The following TET2 variants were observed in gnomAD, a reference collection of about 807,000 sequenced individuals.
TET2 encodes methylcytosine dioxygenase TET2.
In TET2, 299 loss-of-function variants were observed where a neutral mutation model predicts 142.9. The observed-to-expected ratio is 2.09, with a 90% CI of 1.90 to 2.30. TET2 has a LOEUF of 2.30. Among genes scored for constraint, TET2 ranks in the 30% most tolerant of loss-of-function variants. The pLI is 0.00. For missense variants in TET2, 2,418 were observed against 2,378.0 expected (o/e 1.02, Z -0.35); for synonymous variants, 819 against 849.0 (o/e 0.96, Z 0.61).
rs1297207329 is a variant in TET2 at position 105,237,084 on chromosome 4, C to G, written c.3142C>G (p.Leu1048Val). The G allele has an allele frequency of 1.2e-6, 2 of 1,614,032 alleles. No homozygotes were observed. The highest frequency in any genetic ancestry group is 1.7e-6 in the Non-Finnish European group (2 of 1,180,028). ...GTTATTTGACCATAAGGCTCTTACT[C>G]TCAAATCACAGAAGCAAGTAAAAGT... ...KSLFDHKALT[L>V]KSQKQVKVEM... The change falls in exon 3 of 11, where the codon CTC becomes GTC. Residue 1048 changes from leucine to valine, a missense_variant. Physicochemically the swap from Leu to Val is conservative, Grantham distance 32. Coordinates refer to ENST00000380013, the MANE Select transcript of TET2 (RefSeq NM_001127208.3).
Position 105,269,720 on chromosome 4 carries a change from G to A in TET2, c.4155G>A (p.Leu1385=), listed in dbSNP as rs1730861238. Residue 1385 remains leucine, a synonymous_variant, in exon 9 of 11, where the codon TTG becomes TTA. Transcript: ENST00000380013. The part of the protein sequence containing the change: ...LDFCAHAHRD[L]HNMQNGSTLV... ...TCTGTGCTCATGCCCACAGAGACTT[G>A]CACAACATGCAGAATGGCAGCACAT... is the stretch of plus-strand genomic sequence containing the variant. The A allele has an allele frequency of 1.9e-6, 3 of 1,551,636 alleles. No homozygotes were observed.
intron 8 of TET2, among the ~76,000 whole-genome samples, chr4:105,268,076 T>G (rs1730776227): frequency 6.6e-6 from 1 of 152,066 alleles, no homozygotes; most frequent in South Asian, 2.1e-4. Flanking sequence ...AAACTGTAAA[T>G]TTTAGAAAGT....
At chr4:105,250,365 C>T (rs190611704) in intron 6 of TET2, among the ~76,000 whole-genome samples, 26 of 137,594 alleles carry the variant, frequency 1.9e-4, no homozygotes, top group Non-Finnish European at 2.7e-4. Flanking sequence ...ATCAGCTTCT[C>T]CGTTTCCTTT....
intron 1 of TET2, among the ~76,000 whole-genome samples, chr4:105,181,052 C>G (rs1725093075): frequency 6.6e-6 from 1 of 152,140 alleles, no homozygotes; most frequent in East Asian, 1.9e-4. Flanking sequence ...CTCTATAAAA[C>G]CAAGTTTAAA....
rs565218740 is a variant in TET2, at chr4:105,232,937, A to C, written c.-46-960A>C. 2.0e-5 allele frequency among the ~76,000 whole-genome samples: 3 copies of C among 152,304 alleles called. No homozygotes were observed. The East Asian group carries it at 5.8e-4, about 29-fold the overall frequency. ...TCTCTCAGGTGTATTTGGATGAAAT[A>C]GTTTGAGAACCATGCAGGCAAGTTT... On this transcript the variant is annotated intron_variant, in intron 2 of 10. Coordinates refer to ENST00000380013, the MANE Select transcript of TET2 (RefSeq NM_001127208.3).
intron 2 of TET2, among the ~76,000 whole-genome samples, chr4:105,214,861 A>G (rs903209802): frequency 6.6e-6 from 1 of 152,106 alleles, no homozygotes; most frequent in African/African-American, 2.4e-5. Flanking sequence ...CAGCAAATAT[A>G]AGTAAGTGTT....
chr4:105,234,835 C>A lies in TET2; in HGVS notation c.893C>A (p.Ala298Asp). 1 of 1,613,992 alleles carries A rather than the reference C, an allele frequency of 6.2e-7. No homozygotes were observed. The highest frequency in any genetic ancestry group is 8.5e-7 in the Non-Finnish European group (1 of 1,179,986). Residue 298 changes from alanine to aspartate, a missense_variant, in exon 3 of 11, where the codon GCT (alanine) becomes GAT (aspartate). Ala to Asp is a moderately radical substitution (Grantham distance 126). Coordinates refer to ENST00000380013, the MANE Select transcript of TET2 (RefSeq NM_001127208.3). ...GCAGTGGTGAGTGAGGCCTGTGATGCTGATGATGCTGATAATGCCAGTAAA... is the reference window on the plus strand; with the variant it reads ...GCAGTGGTGAGTGAGGCCTGTGATGATGATGATGCTGATAATGCCAGTAAA... ...PAAVVSEACD[A>D]DDADNASKLA...
intron 2 of TET2, among the ~76,000 whole-genome samples, chr4:105,231,417 A>G (rs1170431210): frequency 6.6e-6 from 1 of 152,148 alleles, no homozygotes; most frequent in African/African-American, 2.4e-5. Context: ...TTAAAAACTT[A>G]TTCCTAGTGT....
chr4:105,264,424 T>G (rs1730593203), intron 8 of TET2, among the ~76,000 whole-genome samples: 1 of 152,140 alleles, frequency 6.6e-6, no homozygotes, highest in Non-Finnish European at 1.5e-5. Context: ...TTTTAATAGG[T>G]GCTGTTAATC....
rs189018951 is a variant in TET2, at chr4:105,228,717, G to T, written c.-46-5180G>T. Among the ~76,000 whole-genome samples, 10 of 152,178 alleles carry T rather than the reference G, an allele frequency of 6.6e-5. No homozygotes were observed. In the East Asian group the frequency reaches 1.9e-3, roughly 29 times the overall value. On this transcript the variant is annotated intron_variant, in intron 2 of 10. Transcript: ENST00000380013. ...GTGTTTTACAGTTACCAAAAGAAAA[G>T]TGCCTTTTTTTGGTAGTATCTGGAC...
At chr4:105,146,838 T>A (rs999957206), upstream of TET2, 1 of 152,120 alleles carries the variant, frequency 6.6e-6, no homozygotes, top group Non-Finnish European at 1.5e-5. Context: ...GACGTCAAAC[T>A]GCCTTATGAA....
intron 2 of TET2, among the ~76,000 whole-genome samples, chr4:105,192,929 A>C (rs1725869758): frequency 6.6e-6 from 1 of 152,208 alleles, no homozygotes. Context: ...AAAACAAGCC[A>C]TGAAGTTATC....
intron 8 of TET2, among the ~76,000 whole-genome samples, chr4:105,268,898 A>G (rs6826634): frequency 0.17 from 25,931 of 152,064 alleles, 4,885 homozygotes; most frequent in African/African-American, 0.45. Context: ...GCTTGAATCC[A>G]GGAGGCAGAG....
At chr4:105,261,613 T>G (rs1446671585) in intron 7 of TET2, 146 bp from the exon 8 acceptor site, 1 of 481,908 alleles carries the variant, frequency 2.1e-6, no homozygotes, top group African/African-American at 2.0e-5. Context: ...GATAGTCATG[T>G]TTTAAAGATG....
rs551481257 is a variant in TET2, at chr4:105,182,430, T to C, written c.-192-7930T>C. On this transcript the variant is annotated intron_variant, in intron 1 of 10. Coordinates refer to ENST00000380013, the MANE Select transcript of TET2 (RefSeq NM_001127208.3). The stretch of plus-strand genomic sequence containing the variant: ...ATGCCTGGACATATGAGCTGTTAAA[T>C]ATTTTGATTATCACTCCTGTGTGGT... Among the ~76,000 whole-genome samples, 94 of 152,326 alleles carry C rather than the reference T, an allele frequency of 6.2e-4. 1 individual carries two copies. The South Asian group carries it at 0.019, about 30-fold the overall frequency.
At chr4:105,157,404 T>C (rs1051637255) in intron 1 of TET2, among the ~76,000 whole-genome samples, 27 of 152,312 alleles carry the variant, frequency 1.8e-4, no homozygotes, top group South Asian at 8.3e-4. Flanking sequence ...TTATAGATTT[T>C]ATCTTTCTTC....
chr4:105,179,188 G>T (rs1421281896), intron 1 of TET2, among the ~76,000 whole-genome samples: 2 of 152,184 alleles, frequency 1.3e-5, no homozygotes, highest in East Asian at 1.9e-4. Context: ...TTTGGGTGGG[G>T]ACACAAAGCC....
chr4:105,180,521 C>G (rs1725055070), intron 1 of TET2, among the ~76,000 whole-genome samples: 1 of 152,030 alleles, frequency 6.6e-6, no homozygotes, highest in Non-Finnish European at 1.5e-5. Context: ...TATTTCAGAG[C>G]TTATTTACTG....
intron 4 of TET2, chr4:105,241,665 A>C: frequency 7.8e-7 from 1 of 1,282,460 alleles, no homozygotes; most frequent in Non-Finnish European, 9.9e-7. Flanking sequence ...GATGGATGCC[A>C]GAAAACCCAG....
Sources: allele counts gnomAD v4.1 joint callset (sites outside exome capture counted in the v4.1 genomes callset), GRCh38; gene constraint gnomAD v4.1.1; transcripts MANE v1.5; gene names NCBI Gene and HGNC (gene_info 2026-07-23, HGNC 2026-07-21).